Variants in FAM184A observed in about 807,000 individuals in gnomAD.
The protein encoded by FAM184A is family with sequence similarity 184 member A.
FAM184A carries 99 observed loss-of-function variants against 143.8 expected under a neutral mutation model. The observed-to-expected ratio is 0.69, with a 90% CI of 0.58 to 0.81. FAM184A has a LOEUF of 0.81. Among genes scored for constraint, FAM184A ranks in the 40% least tolerant of loss-of-function variants. The probability of loss-of-function intolerance (pLI) is 0.00; values close to 1 mark genes in which losing one functional copy is unlikely to be tolerated. For missense variants in FAM184A, 1,217 were observed against 1,310.5 expected (o/e 0.93, Z 1.10); for synonymous variants, 427 against 446.4 (o/e 0.96, Z 0.55).
intron 1 of FAM184A, among the ~76,000 whole-genome samples, chr6:119,127,878 A>C (rs1789416362): frequency 6.6e-6 from 1 of 152,218 alleles, no homozygotes; most frequent in Non-Finnish European, 1.5e-5. Flanking sequence ...TTGACCGTCT[A>C]CTTTGTGTCA....
intron 1 of FAM184A, among the ~76,000 whole-genome samples, chr6:119,061,664 A>G (rs954406648): frequency 2.0e-5 from 3 of 148,804 alleles, no homozygotes; most frequent in African/African-American, 5.0e-5. Context: ...CTTTTCAACT[A>G]AAGTGAGGAG....
intron 1 of FAM184A, among the ~76,000 whole-genome samples, chr6:119,042,964 C>G (rs1379248272): frequency 1.3e-5 from 2 of 152,106 alleles, no homozygotes; most frequent in African/African-American, 4.8e-5. Flanking sequence ...GTCCCGAGTT[C>G]TCCCCACACC....
Position 118,973,562 on chromosome 6 carries a change from CT to C in FAM184A, c.2915+865del, listed in dbSNP as rs1458402472. Among the ~76,000 whole-genome samples, 5 of 152,194 alleles carry C rather than the reference CT, an allele frequency of 3.3e-5. No homozygotes were observed. The East Asian group carries it at 9.6e-4, about 29-fold the overall frequency. On this transcript the variant is annotated intron_variant, in intron 14 of 17. Transcript: ENST00000338891. The stretch of plus-strand genomic sequence containing the variant: ...TAATGGGATTAGTCACTAATTGTGA[CT>C]TTACTGAAGTATGTGGATATATATA...
At chr6:119,038,936 T>A (rs1786214551) in intron 1 of FAM184A, among the ~76,000 whole-genome samples, 1 of 152,236 alleles carries the variant, frequency 6.6e-6, no homozygotes, top group East Asian at 1.9e-4. Flanking sequence ...AACCAAAATG[T>A]ACAAAGAACA....
chr6:119,014,593 T>C (rs942266773), intron 5 of FAM184A, among the ~76,000 whole-genome samples: 5 of 152,224 alleles, frequency 3.3e-5, no homozygotes, highest in African/African-American at 9.6e-5. Flanking sequence ...ACCTATTAAA[T>C]TGTCTCATGA....
intron 9 of FAM184A, among the ~76,000 whole-genome samples, chr6:118,988,954 AT>A (rs71556820): frequency 2.3e-3 from 257 of 112,024 alleles, no homozygotes; most frequent in African/African-American, 4.5e-3. Context: ...TCTGGACATG[AT>A]TTTTTTTTTT....
intron 1 of FAM184A, among the ~76,000 whole-genome samples, chr6:119,047,016 C>A (rs1463983956): frequency 6.7e-6 from 1 of 150,162 alleles, no homozygotes; most frequent in African/African-American, 2.4e-5. Flanking sequence ...CATAAAAGCT[C>A]AAAAAACGCT....
intron 1 of FAM184A, among the ~76,000 whole-genome samples, chr6:119,029,455 G>C (rs1785789678): frequency 6.6e-6 from 1 of 151,992 alleles, no homozygotes; most frequent in Admixed American, 6.6e-5. Flanking sequence ...AAATCCATAA[G>C]AGTCTATCTT....
At chr6:119,002,310 A>T (rs1384743303) in intron 9 of FAM184A, among the ~76,000 whole-genome samples, 5 of 152,208 alleles carry the variant, frequency 3.3e-5, no homozygotes, top group Non-Finnish European at 7.4e-5. Flanking sequence ...TAATAAATTT[A>T]AAAGTTGTGT....
chr6:119,100,759 C>T (rs1582616313), intron 1 of FAM184A, among the ~76,000 whole-genome samples: 2 of 152,134 alleles, frequency 1.3e-5, no homozygotes, highest in East Asian at 1.9e-4. Flanking sequence ...GAGTTCAAGA[C>T]CAGCCTGGCC....
chr6:118,999,043 A>G (rs991362661), intron 9 of FAM184A, among the ~76,000 whole-genome samples: 3 of 152,180 alleles, frequency 2.0e-5, no homozygotes, highest in Non-Finnish European at 4.4e-5. Flanking sequence ...ATGGTGGTAG[A>G]GGTAGTAGGG....
intron 14 of FAM184A, among the ~76,000 whole-genome samples, chr6:118,971,138 C>T (rs1375060665): frequency 6.6e-6 from 1 of 152,124 alleles, no homozygotes; most frequent in East Asian, 1.9e-4. Flanking sequence ...TAACGCTGAA[C>T]CTTTCTTTTC....
chr6:119,082,748 T>C (rs142236334), upstream of FAM184A, among the ~76,000 whole-genome samples: 1 of 152,230 alleles, frequency 6.6e-6, no homozygotes, highest in African/African-American at 2.4e-5. Context: ...CCATGGCTGC[T>C]TTCATGGGCC....
intron 1 of FAM184A, among the ~76,000 whole-genome samples, chr6:119,142,460 C>G (rs1393993171): frequency 6.6e-6 from 1 of 152,186 alleles, no homozygotes; most frequent in Non-Finnish European, 1.5e-5. Context: ...ATTCTTCATC[C>G]TCCCAGGTAT....
intron 1 of FAM184A, among the ~76,000 whole-genome samples, chr6:119,130,727 T>G (rs1789512941): frequency 6.6e-6 from 1 of 152,188 alleles, no homozygotes; most frequent in African/African-American, 2.4e-5. Context: ...AGACCCGGTC[T>G]TCGTAACAGG....
In FAM184A at chr6:119,063,970, T is replaced by C. The variant is rs561742439; in HGVS notation, c.159+14171A>G. On this transcript the variant is annotated intron_variant, in intron 1 of 17. Transcript: ENST00000338891. Reference sequence around the variant, plus strand: ...CCCAAAATATCAGACTTATAGTTCTTTGGGATTCTAAATTCTAATAATTTT... The same window carrying C: ...CCCAAAATATCAGACTTATAGTTCTCTGGGATTCTAAATTCTAATAATTTT... 2.6e-5 allele frequency among the ~76,000 whole-genome samples: 4 copies of C among 152,238 alleles called. No homozygotes were observed. In the South Asian group the frequency reaches 8.3e-4, roughly 32 times the overall value.
At chr6:119,144,787 C>T (rs983320902) in intron 1 of FAM184A, among the ~76,000 whole-genome samples, 7 of 152,156 alleles carry the variant, frequency 4.6e-5, no homozygotes, top group African/African-American at 9.7e-5. Context: ...TGCCAGCTCC[C>T]GTGACGTGCC....
At position 119,048,792 on chromosome 6, in the gene FAM184A, T is replaced by C. The variant is rs1407556679; in HGVS notation, c.160-23979A>G. Among the ~76,000 whole-genome samples the C allele has an allele frequency of 2.6e-5, 4 of 151,714 alleles. No individual in the cohort carries two copies. In the East Asian group the frequency reaches 7.7e-4, roughly 29 times the overall value. On this transcript the variant is annotated intron_variant, in intron 1 of 17. Coordinates refer to ENST00000338891, the MANE Select transcript of FAM184A (RefSeq NM_024581.6). Reference sequence around the variant, plus strand: ...AGGGTAATGGGATAATGGGGGATGGTAGTGGGGGACTGGTTGAAAGATCTC... The same window carrying C: ...AGGGTAATGGGATAATGGGGGATGGCAGTGGGGGACTGGTTGAAAGATCTC...
At chr6:119,105,824 T>C (rs946679011) in intron 1 of FAM184A, among the ~76,000 whole-genome samples, 1 of 152,216 alleles carries the variant, frequency 6.6e-6, no homozygotes, top group Non-Finnish European at 1.5e-5. Flanking sequence ...ATTGCAGAAA[T>C]TTATTATAAT....
Sources: allele counts gnomAD v4.1 joint callset (sites outside exome capture counted in the v4.1 genomes callset), GRCh38; gene constraint gnomAD v4.1.1; transcripts MANE v1.5; gene names NCBI Gene and HGNC (gene_info 2026-07-23, HGNC 2026-07-21).